The following CNTNAP2 variants were observed in gnomAD, a reference collection of about 807,000 sequenced individuals.
CNTNAP2 encodes the protein contactin associated protein 2, also known as contactin-associated protein-like 2.
Under a neutral mutation model 155.2 loss-of-function variants are expected in CNTNAP2, and 98 were observed. That is an observed-to-expected ratio of 0.63 (90% CI 0.54 to 0.75). The LOEUF is 0.75. CNTNAP2 is among the 30% of genes least tolerant of loss of function. CNTNAP2 has a pLI of 0.00. For synonymous variants in CNTNAP2, 651 were observed against 631.2 expected (o/e 1.03, Z -0.47); for missense variants, 1,727 against 1,688.1 (o/e 1.02, Z -0.40).
intron 3 of CNTNAP2, among the ~76,000 whole-genome samples, chr7:147,005,780 G>A (rs1312907847): frequency 6.6e-6 from 1 of 152,016 alleles, no homozygotes; most frequent in Non-Finnish European, 1.5e-5. Flanking sequence ...TTCCTTTAGA[G>A]ATAAGTATTT....
chr7:147,884,735 T>C (rs926861855), intron 13 of CNTNAP2, among the ~76,000 whole-genome samples: 1 of 152,218 alleles, frequency 6.6e-6, no homozygotes, highest in African/African-American at 2.4e-5. Flanking sequence ...ATTATTGTTA[T>C]TGAATTTTCC....
chr7:147,361,594 AAAC>A, intron 9 of CNTNAP2, among the ~76,000 whole-genome samples: 1 of 152,314 alleles, frequency 6.6e-6, no homozygotes, highest in Non-Finnish European at 1.5e-5. Context: ...ACTTCACAAA[AAAC>A]AACCTCAAAC....
At chr7:148,117,713 AT>A (rs1467732668) in intron 15 of CNTNAP2, among the ~76,000 whole-genome samples, 3 of 152,004 alleles carry the variant, frequency 2.0e-5, no homozygotes, top group Non-Finnish European at 2.9e-5. Flanking sequence ...TGTTGTGTCT[AT>A]TGGCATTTAC....
At chr7:147,555,278 A>T (rs556964770) in intron 11 of CNTNAP2, among the ~76,000 whole-genome samples, 10 of 152,312 alleles carry the variant, frequency 6.6e-5, no homozygotes, top group African/African-American at 2.4e-4. Context: ...AACAATACCA[A>T]CCCAGATAAG....
At chr7:147,510,332 A>G (rs1296585644) in intron 11 of CNTNAP2, among the ~76,000 whole-genome samples, 7 of 152,090 alleles carry the variant, frequency 4.6e-5, no homozygotes, top group Admixed American at 4.6e-4. Flanking sequence ...GCCACCAGCC[A>G]TGCAGACTTT....
intron 13 of CNTNAP2, among the ~76,000 whole-genome samples, chr7:147,862,095 C>T (rs549101917): frequency 6.6e-5 from 10 of 151,514 alleles, no homozygotes; most frequent in African/African-American, 2.2e-4. Flanking sequence ...ATCTAATCAC[C>T]GATGAAACAG....
chr7:146,317,282 C>T (rs1271602494), intron 1 of CNTNAP2, among the ~76,000 whole-genome samples: 1 of 152,160 alleles, frequency 6.6e-6, no homozygotes, highest in Non-Finnish European at 1.5e-5. Flanking sequence ...CTATACTAAG[C>T]TCTAATATAA....
At chr7:146,946,867 C>T (rs769368828) in intron 3 of CNTNAP2, among the ~76,000 whole-genome samples, 3 of 151,924 alleles carry the variant, frequency 2.0e-5, no homozygotes, top group African/African-American at 7.3e-5. Flanking sequence ...AGAAAAAGAT[C>T]ATTATTTAAA....
chr7:146,306,424 C>T (rs181022832), intron 1 of CNTNAP2, among the ~76,000 whole-genome samples: 2 of 152,104 alleles, frequency 1.3e-5, no homozygotes, highest in Non-Finnish European at 2.9e-5. Context: ...GATAACAAAG[C>T]CTGGCAGAAA....
intron 12 of CNTNAP2, among the ~76,000 whole-genome samples, chr7:147,583,106 G>A (rs190872240): frequency 5.1e-4 from 77 of 152,118 alleles, no homozygotes; most frequent in Non-Finnish European, 9.0e-4. Context: ...AAGCCTAAGC[G>A]AATGACCCAT....
At chr7:146,862,492 C>CA (rs1420024197) in intron 3 of CNTNAP2, among the ~76,000 whole-genome samples, 12 of 151,974 alleles carry the variant, frequency 7.9e-5, no homozygotes, top group African/African-American at 2.7e-4. Context: ...CACAAAAAAA[C>CA]AAAAAACAAA....
intron 14 of CNTNAP2, among the ~76,000 whole-genome samples, chr7:147,976,024 AT>A (rs34999876): frequency 6.6e-6 from 1 of 152,224 alleles, no homozygotes; most frequent in Admixed American, 6.5e-5. Flanking sequence ...TAGACAATAC[AT>A]TTTTTTAAAT....
intron 8 of CNTNAP2, among the ~76,000 whole-genome samples, chr7:147,157,309 T>C (rs1192337187): frequency 3.3e-5 from 5 of 152,112 alleles, no homozygotes; most frequent in Admixed American, 3.3e-4. Flanking sequence ...AAGTTCCACA[T>C]CTTCTTCCCT....
intron 1 of CNTNAP2, among the ~76,000 whole-genome samples, chr7:146,736,355 G>A (rs2129180337): frequency 6.6e-6 from 1 of 152,280 alleles, no homozygotes; most frequent in East Asian, 1.9e-4. Flanking sequence ...GGGAAAAAAA[G>A]ACTCAGTCAG....
intron 8 of CNTNAP2, among the ~76,000 whole-genome samples, chr7:147,265,626 G>A (rs780582043): frequency 2.0e-5 from 3 of 152,154 alleles, no homozygotes; most frequent in Non-Finnish European, 4.4e-5. Flanking sequence ...GGTTTCCCCC[G>A]AGCACAGCAC....
intron 11 of CNTNAP2, among the ~76,000 whole-genome samples, chr7:147,526,141 G>A (rs1225874957): frequency 3.4e-5 from 5 of 147,206 alleles, no homozygotes; most frequent in South Asian, 4.3e-4. Context: ...GAAGTGAGCC[G>A]AGATCACCCC....
chr7:146,899,270 A>G (rs11982298), intron 3 of CNTNAP2, among the ~76,000 whole-genome samples: 56,322 of 151,918 alleles, frequency 0.37, 10,916 homozygotes, highest in Middle Eastern at 0.42. Context: ...TTACAATCCC[A>G]TTTGCTTAGT....
At chr7:148,334,266 T>A (rs1798080072) in intron 21 of CNTNAP2, among the ~76,000 whole-genome samples, 1 of 152,120 alleles carries the variant, frequency 6.6e-6, no homozygotes, top group Non-Finnish European at 1.5e-5. Context: ...TCCCAGGGTC[T>A]CTTGGGAAGG....
At chr7:147,783,939 T>C (rs368311850) in intron 13 of CNTNAP2, among the ~76,000 whole-genome samples, 43 of 152,304 alleles carry the variant, frequency 2.8e-4, no homozygotes, top group African/African-American at 9.9e-4. Context: ...TATGGTATCT[T>C]TCTACAGCAA....
Sources: allele counts gnomAD v4.1 joint callset (sites outside exome capture counted in the v4.1 genomes callset), GRCh38; gene constraint gnomAD v4.1.1; transcripts MANE v1.5; gene names NCBI Gene and HGNC (gene_info 2026-07-23, HGNC 2026-07-21).